The following OR1B1 variants were observed in gnomAD, a reference collection of about 807,000 sequenced individuals.
OR1B1 encodes olfactory receptor family 1 subfamily B member 1, also known as olfactory receptor 1B1.
For synonymous variants in OR1B1, 168 were observed against 156.2 expected, an observed-to-expected ratio of 1.08 and a Z score of -0.57; for missense variants, 414 against 402.1, an observed-to-expected ratio of 1.03 and a Z score of -0.25.
chr9:122,639,173 A>C, the OR1B1 span, among the ~76,000 whole-genome samples: 1 of 152,134 alleles, frequency 6.6e-6, no homozygotes, highest in African/African-American at 2.4e-5. Context: ...AACCTTTAGA[A>C]TCTTGAGTTA....
the OR1B1 span, among the ~76,000 whole-genome samples, chr9:122,635,229 C>A: frequency 0.025 from 3,790 of 152,026 alleles, 158 homozygotes; most frequent in East Asian, 0.19. Context: ...CATAAATGAA[C>A]CTGGAGGATA....
chr9:122,639,434 A>G, the OR1B1 span, among the ~76,000 whole-genome samples: 1 of 152,130 alleles, frequency 6.6e-6, no homozygotes, highest in Non-Finnish European at 1.5e-5. Flanking sequence ...TTGCATGAAC[A>G]TATCACAATG....
the OR1B1 span, among the ~76,000 whole-genome samples, chr9:122,642,613 G>C: frequency 6.6e-6 from 1 of 152,130 alleles, no homozygotes; most frequent in Non-Finnish European, 1.5e-5. Flanking sequence ...TAAGTACCAC[G>C]AGTCTCTGCC....
the OR1B1 span, among the ~76,000 whole-genome samples, chr9:122,645,489 TAATC>T: frequency 6.6e-6 from 1 of 151,848 alleles, no homozygotes; most frequent in African/African-American, 2.4e-5. Context: ...AGGCATTTAA[TAATC>T]AAACTTCCAA....
chr9:122,646,825 C>T, the OR1B1 span, among the ~76,000 whole-genome samples: 1 of 152,112 alleles, frequency 6.6e-6, no homozygotes, highest in Non-Finnish European at 1.5e-5. Flanking sequence ...AGTAGAAAGA[C>T]TAAATGATGA....
upstream of OR1B1, among the ~76,000 whole-genome samples, chr9:122,634,268 G>A (rs895705813): frequency 1.3e-5 from 2 of 151,320 alleles, no homozygotes; most frequent in South Asian, 2.1e-4. Context: ...CCCGGGATGT[G>A]GAGGTTGTGG....
upstream of OR1B1, among the ~76,000 whole-genome samples, chr9:122,630,620 T>C (rs1830194271): frequency 6.6e-6 from 1 of 152,258 alleles, no homozygotes; most frequent in African/African-American, 2.4e-5. Flanking sequence ...TCCAAATGCT[T>C]AATCTGTCTT....
the OR1B1 span, among the ~76,000 whole-genome samples, chr9:122,643,128 A>G: frequency 1.3e-5 from 2 of 152,140 alleles, no homozygotes; most frequent in Non-Finnish European, 2.9e-5. Flanking sequence ...TGCACAGAGA[A>G]AAGCACTGAC....
upstream of OR1B1, among the ~76,000 whole-genome samples, chr9:122,632,778 G>A (rs945015706): frequency 6.6e-6 from 1 of 152,080 alleles, no homozygotes; most frequent in Non-Finnish European, 1.5e-5. Context: ...ATATGAAGGG[G>A]GTTTGTATTA....
At chr9:122,656,472 G>A in the OR1B1 span, among the ~76,000 whole-genome samples, 1 of 151,792 alleles carries the variant, frequency 6.6e-6, no homozygotes, top group African/African-American at 2.4e-5. Context: ...AATTATCATG[G>A]GAGTGGGTTC....
At chr9:122,628,868 G>C in exon 1 of OR1B1, 4 of 1,614,130 alleles carry the variant, frequency 2.5e-6, no homozygotes, top group Non-Finnish European at 3.4e-6. Context: ...TCGGACATAA[G>C]AGAGTACAAT....
exon 1 of OR1B1, chr9:122,629,440 C>G: frequency 6.2e-7 from 1 of 1,613,856 alleles, no homozygotes; most frequent in African/African-American, 1.3e-5. Flanking sequence ...TAGCCAGGAA[C>G]AGGAAGAAGA....
the OR1B1 span, among the ~76,000 whole-genome samples, chr9:122,645,649 A>C: frequency 1.3e-5 from 2 of 152,084 alleles, no homozygotes; most frequent in Non-Finnish European, 2.9e-5. Flanking sequence ...GTACTGTAGG[A>C]AAAAAAATTT....
At chr9:122,633,479 A>G (rs1830224654), upstream of OR1B1, among the ~76,000 whole-genome samples, 1 of 152,236 alleles carries the variant, frequency 6.6e-6, no homozygotes, top group African/African-American at 2.4e-5. Context: ...AAGCTTTTGC[A>G]CAGCAAAGGA....
chr9:122,632,847 C>T (rs1489823107), upstream of OR1B1, among the ~76,000 whole-genome samples: 1 of 152,102 alleles, frequency 6.6e-6, no homozygotes, highest in Non-Finnish European at 1.5e-5. Context: ...AGTTTGTTTT[C>T]ACCCTGCTGA....
chr9:122,628,741 G>A (rs759318175), exon 1 of OR1B1: 1 of 1,614,008 alleles, frequency 6.2e-7, no homozygotes, highest in Non-Finnish European at 8.5e-7. Context: ...GAGGCTGGAA[G>A]TAGACACAAA....
chr9:122,630,687 A>G (rs1396060246), upstream of OR1B1, among the ~76,000 whole-genome samples: 3 of 148,542 alleles, frequency 2.0e-5, no homozygotes, highest in African/African-American at 7.3e-5. Context: ...TGAGTCACCT[A>G]TCCAGGGTTT....
At chr9:122,629,528 C>A (rs148803298) in exon 1 of OR1B1, 1 of 1,597,602 alleles carries the variant, frequency 6.3e-7, no homozygotes. Flanking sequence ...AGGGGCAAAG[C>A]TCATCATGAG....
At chr9:122,645,215 G>T in the OR1B1 span, among the ~76,000 whole-genome samples, 1 of 151,884 alleles carries the variant, frequency 6.6e-6, no homozygotes, top group Admixed American at 6.6e-5. Context: ...TGAGCTTGAA[G>T]ATATGCTATT....
Sources: allele counts gnomAD v4.1 joint callset (sites outside exome capture counted in the v4.1 genomes callset), GRCh38; gene constraint gnomAD v4.1.1; transcripts MANE v1.5; gene names NCBI Gene and HGNC (gene_info 2026-07-23, HGNC 2026-07-21).